CLASP1: variants seen among roughly 807,000 people sequenced by gnomAD.
CLASP1 encodes CLIP-associating protein 1.
A neutral mutation model predicts 192.3 loss-of-function variants in CLASP1; 38 were observed. The observed-to-expected ratio is 0.20, with a 90% confidence interval of 0.15 to 0.26. The LOEUF (loss-of-function observed/expected upper bound fraction) is 0.26. CLASP1 is among the 10% of genes least tolerant of loss of function. The probability of loss-of-function intolerance (pLI) is 1.00; values close to 1 mark genes in which losing one functional copy is unlikely to be tolerated. For synonymous variants in CLASP1, 691 were observed against 712.8 expected (o/e 0.97, Z 0.49); for missense variants, 1,433 against 1,932.5 (o/e 0.74, Z 4.85).
At chr2:121,644,966 C>CAAAAAAAAAAAAAAAAAA (rs74265895) in intron 1 of CLASP1, among the ~76,000 whole-genome samples, 1 of 112,678 alleles carries the variant, frequency 8.9e-6, no homozygotes, top group Non-Finnish European at 2.1e-5. Flanking sequence ...AAAAAAAAAA[C>CAAAAAAAAAAAAAAAAAA]AAAAAAAAAA....
At chr2:121,427,300 A>C in intron 21 of CLASP1, 104 bp downstream of exon 21, 1 of 1,351,350 alleles carries the variant, frequency 7.4e-7, no homozygotes, top group Non-Finnish European at 1.0e-6. Context: ...AGATTAACTA[A>C]GCTTACAATA....
At chr2:121,461,784 G>A (rs963397780) in intron 10 of CLASP1, among the ~76,000 whole-genome samples, 1 of 152,088 alleles carries the variant, frequency 6.6e-6, no homozygotes, top group African/African-American at 2.4e-5. Context: ...GGGTTCAAGG[G>A]AGCCTCACAC....
intron 6 of CLASP1, among the ~76,000 whole-genome samples, chr2:121,517,992 AAGTTCAAGTTCAGGCG>A (rs1165562959): frequency 6.8e-6 from 1 of 146,776 alleles, no homozygotes; most frequent in African/African-American, 2.5e-5. Flanking sequence ...GAGTTCAGGC[AAGTTCAAGTTCAGGCG>A]AGTTCAAGGT....
At chr2:121,461,616 G>T (rs992317425) in intron 10 of CLASP1, among the ~76,000 whole-genome samples, 3 of 152,122 alleles carry the variant, frequency 2.0e-5, no homozygotes, top group Non-Finnish European at 4.4e-5. Flanking sequence ...AAGGTACAGG[G>T]TATAATCAAT....
At chr2:121,357,142 C>T (rs1197550087) in intron 37 of CLASP1, among the ~76,000 whole-genome samples, 2 of 152,146 alleles carry the variant, frequency 1.3e-5, no homozygotes, top group African/African-American at 4.8e-5. Context: ...CCAAACAAAG[C>T]AGTAGTCAAA....
At chr2:121,519,562 G>T (rs962039431) in intron 6 of CLASP1, among the ~76,000 whole-genome samples, 1 of 152,172 alleles carries the variant, frequency 6.6e-6, no homozygotes, top group Admixed American at 6.5e-5. Flanking sequence ...AAAACATTCT[G>T]CAGGCACAAG....
At chr2:121,370,619 C>T (rs1351199423) in intron 34 of CLASP1, among the ~76,000 whole-genome samples, 1 of 152,162 alleles carries the variant, frequency 6.6e-6, no homozygotes, top group Non-Finnish European at 1.5e-5. Context: ...GTCACCATGC[C>T]TGGTCCATTC....
At chr2:121,609,801 C>T (rs377103091) in intron 1 of CLASP1, among the ~76,000 whole-genome samples, 23 of 152,086 alleles carry the variant, frequency 1.5e-4, no homozygotes, top group African/African-American at 5.3e-4. Flanking sequence ...ATTAGCTGGT[C>T]ATGGTGGCAC....
chr2:121,637,885 CA>C (rs1215351109), intron 1 of CLASP1, among the ~76,000 whole-genome samples: 39 of 126,574 alleles, frequency 3.1e-4, no homozygotes, highest in Admixed American at 4.2e-4. Flanking sequence ...GACTCCATCT[CA>C]AAAAAAAAAA....
chr2:121,638,949 A>G (rs1319229490), intron 1 of CLASP1, among the ~76,000 whole-genome samples: 1 of 152,104 alleles, frequency 6.6e-6, no homozygotes, highest in African/African-American at 2.4e-5. Context: ...GATTACAGGC[A>G]TGAGCCACTG....
At position 121,378,713 on chromosome 2, in the gene CLASP1, T is replaced by C. The variant is rs145041157; in HGVS notation, c.3492-1064A>G. 2.1e-3 allele frequency among the ~76,000 whole-genome samples: 322 copies of C among 152,262 alleles called. 1 individual carries two copies. Among genetic ancestry groups the C allele is most frequent in the African/African-American group, 7.4e-3 (306 of 41,542 alleles). ...AAAAGATCAGATGAATTCGTCTAATTTAATTTTTAAAATAGTCCTGAGCTA... is the reference window on the plus strand; with the variant it reads ...AAAAGATCAGATGAATTCGTCTAATCTAATTTTTAAAATAGTCCTGAGCTA... On this transcript the variant is annotated intron_variant, in intron 33 of 39. Coordinates refer to ENST00000263710, the Ensembl canonical transcript of CLASP1.
chr2:121,418,055 T>A (rs918214995), intron 23 of CLASP1, among the ~76,000 whole-genome samples: 5 of 152,264 alleles, frequency 3.3e-5, no homozygotes, highest in African/African-American at 1.2e-4. Flanking sequence ...CACAAAAGTA[T>A]GTGTTGACAG....
intron 2 of CLASP1, among the ~76,000 whole-genome samples, chr2:121,580,973 C>T (rs2061064693): frequency 6.6e-6 from 1 of 152,138 alleles, no homozygotes; most frequent in South Asian, 2.1e-4. Context: ...AAATTAAAGG[C>T]CATGCCCTCA....
chr2:121,553,663 T>A (rs1382268883), intron 2 of CLASP1, among the ~76,000 whole-genome samples: 1 of 152,080 alleles, frequency 6.6e-6, no homozygotes, highest in Admixed American at 6.5e-5. Context: ...ATCGCGTCAC[T>A]ACACTCCAGC....
Position 121,554,869 on chromosome 2 carries a change from T to C in CLASP1, c.196-24544A>G, listed in dbSNP as rs150318201. Among the ~76,000 whole-genome samples the C allele has an allele frequency of 2.0e-3, 310 of 152,342 alleles. 1 individual carries two copies. The highest frequency in any genetic ancestry group is 7.1e-3 in the African/African-American group (297 of 41,584). On this transcript the variant is annotated intron_variant, in intron 2 of 39. Coordinates refer to ENST00000263710, the Ensembl canonical transcript of CLASP1. ...CATTTAACAGGTAAATTTTATGGTA[T>C]ATAAATTATATCTCAGTAAAGCCAT...
At chr2:121,598,214 G>A (rs1401075292) in intron 2 of CLASP1, among the ~76,000 whole-genome samples, 3 of 152,158 alleles carry the variant, frequency 2.0e-5, no homozygotes, top group Non-Finnish European at 4.4e-5. Context: ...TGTTCTGAAT[G>A]TATGCTTATT....
intron 1 of CLASP1, among the ~76,000 whole-genome samples, chr2:121,642,764 C>T (rs971523415): frequency 6.6e-6 from 1 of 152,056 alleles, no homozygotes; most frequent in Admixed American, 6.6e-5. Flanking sequence ...CCAAAATTTG[C>T]CATATTAAGC....
intron 1 of CLASP1, among the ~76,000 whole-genome samples, chr2:121,646,812 C>A (rs376874255): frequency 2.0e-5 from 3 of 151,542 alleles, no homozygotes; most frequent in African/African-American, 7.3e-5. Context: ...CTGAGGCAGG[C>A]GGATCATGAG....
chr2:121,542,383 C>T (rs1173861286), intron 2 of CLASP1, among the ~76,000 whole-genome samples: 2 of 152,190 alleles, frequency 1.3e-5, no homozygotes, highest in African/African-American at 4.8e-5. Flanking sequence ...CTGATTTCTA[C>T]ACATTTTTTA....
Sources: gnomAD v4.1 joint callset for allele counts (sites outside exome capture counted in the v4.1 genomes callset) on GRCh38, gnomAD v4.1.1 for gene constraint, MANE v1.5 for transcripts, NCBI Gene and HGNC (gene_info 2026-07-23, HGNC 2026-07-21) for gene names.